TBC1D22A: variants seen among roughly 807,000 people sequenced by gnomAD.
TBC1D22A encodes the protein putative GTPase activator.
In TBC1D22A, 38 loss-of-function variants were observed where a neutral mutation model predicts 60.2. That is an observed-to-expected ratio of 0.63 (90% CI 0.49 to 0.83). The LOEUF is 0.83. TBC1D22A is among the 40% of genes least tolerant of loss of function. The pLI, the probability that TBC1D22A is intolerant of heterozygous loss-of-function variation, is 0.00. For missense variants in TBC1D22A, 628 were observed against 701.0 expected, an observed-to-expected ratio of 0.90 and a Z score of 1.18; for synonymous variants, 302 against 281.7, an observed-to-expected ratio of 1.07 and a Z score of -0.72.
intron 12 of TBC1D22A, among the ~76,000 whole-genome samples, chr22:47,157,125 T>A (rs1601705859): frequency 6.6e-6 from 1 of 152,162 alleles, no homozygotes; most frequent in Admixed American, 6.5e-5. Context: ...CCTGTGGGGG[T>A]GATTCGTCTC....
At chr22:47,022,325 C>A (rs2062118148) in intron 10 of TBC1D22A, among the ~76,000 whole-genome samples, 1 of 152,136 alleles carries the variant, frequency 6.6e-6, no homozygotes, top group Non-Finnish European at 1.5e-5. Context: ...CCGGGCCATC[C>A]CTGGGAGGGA....
chr22:46,825,653 T>C, intron 4 of TBC1D22A, among the ~76,000 whole-genome samples: 1 of 152,018 alleles, frequency 6.6e-6, no homozygotes, highest in East Asian at 1.9e-4. Flanking sequence ...TTTGTCTTTT[T>C]AGTAGAGACG....
In TBC1D22A at chr22:47,113,046, T is replaced by G. The variant is rs114726860; in HGVS notation, c.1425+1443T>G. On this transcript the variant is annotated intron_variant, in intron 12 of 12. Coordinates refer to ENST00000337137, the MANE Select transcript of TBC1D22A (RefSeq NM_014346.5). ...GCCAGCCTCCTGCTGTCCTCCACAGTAGGCTCTCCATCTGTGCAGAGAGCA... is the reference window on the plus strand; with the variant it reads ...GCCAGCCTCCTGCTGTCCTCCACAGGAGGCTCTCCATCTGTGCAGAGAGCA... Among the ~76,000 whole-genome samples, 1,181 of 152,298 alleles carry G rather than the reference T, an allele frequency of 7.8e-3. 18 individuals are homozygous for G. The highest frequency in any genetic ancestry group is 0.027 in the African/African-American group (1,115 of 41,566).
chr22:47,151,337 G>T (rs1601685537), intron 12 of TBC1D22A, among the ~76,000 whole-genome samples: 2 of 152,316 alleles, frequency 1.3e-5, no homozygotes, highest in South Asian at 4.1e-4. Flanking sequence ...TTTCCAGATC[G>T]CAGCCCCACT....
chr22:47,156,186 C>G (rs763515141), intron 12 of TBC1D22A, among the ~76,000 whole-genome samples: 1 of 152,186 alleles, frequency 6.6e-6, no homozygotes, highest in Non-Finnish European at 1.5e-5. Flanking sequence ...ACAGGCTCTG[C>G]GGAAGGTGAC....
intron 11 of TBC1D22A, 68 bp from the exon 12 acceptor site, chr22:47,111,440 A>G (rs577874453): frequency 7.0e-7 from 1 of 1,427,944 alleles, no homozygotes; most frequent in East Asian, 2.3e-5. Flanking sequence ...ACTGTCGCAG[A>G]TAACCTCGCA....
intron 9 of TBC1D22A, among the ~76,000 whole-genome samples, chr22:46,981,002 A>G (rs1288676450): frequency 6.6e-6 from 1 of 152,278 alleles, no homozygotes; most frequent in East Asian, 1.9e-4. Context: ...CGAAACCACA[A>G]GGAGACAGGT....
intron 11 of TBC1D22A, among the ~76,000 whole-genome samples, chr22:47,101,272 T>G (rs1305446834): frequency 2.0e-5 from 3 of 152,278 alleles, no homozygotes; most frequent in Non-Finnish European, 4.4e-5. Context: ...GTGTTTCCTC[T>G]GCAGACTGGC....
At chr22:46,930,661 C>G (rs1054052704) in intron 8 of TBC1D22A, among the ~76,000 whole-genome samples, 8 of 148,456 alleles carry the variant, frequency 5.4e-5, no homozygotes, top group Non-Finnish European at 1.2e-4. Context: ...GATGGGGTTT[C>G]ACCATGTTAG....
intron 7 of TBC1D22A, among the ~76,000 whole-genome samples, chr22:46,905,759 C>G (rs529306781): frequency 6.6e-6 from 1 of 152,226 alleles, no homozygotes; most frequent in African/African-American, 2.4e-5. Context: ...TGCTGGTTTC[C>G]CACAGGCTGT....
chr22:46,883,130 T>G (rs2067933367), intron 5 of TBC1D22A, among the ~76,000 whole-genome samples: 1 of 152,240 alleles, frequency 6.6e-6, no homozygotes, highest in Non-Finnish European at 1.5e-5. Flanking sequence ...GCACAAAAAC[T>G]ACTTAAACAT....
intron 9 of TBC1D22A, among the ~76,000 whole-genome samples, chr22:46,975,330 T>G (rs2074254214): frequency 6.6e-6 from 1 of 151,334 alleles, no homozygotes; most frequent in East Asian, 1.9e-4. Flanking sequence ...GACCCAAAGG[T>G]GGGAAGAAGT....
At chr22:46,815,252 A>G (rs191109869) in intron 4 of TBC1D22A, among the ~76,000 whole-genome samples, 48 of 152,286 alleles carry the variant, frequency 3.2e-4, no homozygotes, top group African/African-American at 1.1e-3. Flanking sequence ...ACTCGGTGTT[A>G]AACAGAGCTG....
chr22:46,795,946 A>G (rs1475854055), intron 3 of TBC1D22A, among the ~76,000 whole-genome samples: 3 of 152,118 alleles, frequency 2.0e-5, no homozygotes, highest in Non-Finnish European at 4.4e-5. Context: ...TGAAGGAGGG[A>G]GAGGGGGCAC....
chr22:47,027,281 T>C (rs950802491), intron 10 of TBC1D22A, among the ~76,000 whole-genome samples: 32 of 152,256 alleles, frequency 2.1e-4, no homozygotes, highest in Non-Finnish European at 4.0e-4. Context: ...AAAAGTTACC[T>C]CAAAATGAAT....
At position 46,974,377 on chromosome 22, in the gene TBC1D22A, G is replaced by A. The variant is rs1446257680; in HGVS notation, c.1103G>A (p.Ser368Asn). ...NIEADTYWCM[S>N]KLLDGIQDNY... Reference sequence around the variant, plus strand: ...GAGGCCGACACCTACTGGTGCATGAGCAAGCTGCTGGATGGCATTCAGGTG... The same window carrying A: ...GAGGCCGACACCTACTGGTGCATGAACAAGCTGCTGGATGGCATTCAGGTG... The change falls in exon 9 of 13, where the codon AGC (serine) becomes AAC (asparagine). Residue 368 changes from serine (S) to asparagine (N), a missense_variant. Physicochemically the swap from Ser to Asn is conservative, Grantham distance 46. Transcript: ENST00000337137. 6 of 1,611,378 alleles carry A rather than the reference G, an allele frequency of 3.7e-6. No individual in the cohort carries two copies. The highest frequency in any genetic ancestry group is 3.4e-6 in the Non-Finnish European group (4 of 1,179,024).
At chr22:46,937,826 A>G (rs866332053) in intron 8 of TBC1D22A, among the ~76,000 whole-genome samples, 1 of 152,150 alleles carries the variant, frequency 6.6e-6, no homozygotes, top group African/African-American at 2.4e-5. Context: ...GTATCTTAGC[A>G]TTTAACAAAA....
chr22:46,904,812 T>C (rs2069337275), intron 7 of TBC1D22A, among the ~76,000 whole-genome samples: 1 of 143,816 alleles, frequency 7.0e-6, no homozygotes, highest in Admixed American at 7.2e-5. Context: ...TCTTAGTCTG[T>C]CACCCAGGCT....
chr22:47,045,155 A>G (rs1462210851), intron 11 of TBC1D22A, among the ~76,000 whole-genome samples: 8 of 152,242 alleles, frequency 5.3e-5, no homozygotes, highest in African/African-American at 1.9e-4. Flanking sequence ...TCGTACATTT[A>G]TGATAGATAA....
Sources: allele counts gnomAD v4.1 joint callset (sites outside exome capture counted in the v4.1 genomes callset), GRCh38; gene constraint gnomAD v4.1.1; transcripts MANE v1.5; gene names NCBI Gene and HGNC (gene_info 2026-07-23, HGNC 2026-07-21).